Variants in KLRG1 observed in about 807,000 individuals in gnomAD.
The protein encoded by KLRG1 is killer cell lectin-like receptor subfamily G member 1.
Under a neutral mutation model 21.8 loss-of-function variants are expected in KLRG1, and 16 were observed. That is an observed-to-expected ratio of 0.73 (90% CI 0.50 to 1.11). KLRG1 has a LOEUF of 1.11. Ranked by LOEUF, KLRG1 falls within the 50% of genes most tolerant of loss-of-function variation. The pLI is 0.00. For missense variants in KLRG1, 173 were observed against 218.3 expected, an observed-to-expected ratio of 0.79 and a Z score of 1.31; for synonymous variants, 69 against 75.9, an observed-to-expected ratio of 0.91 and a Z score of 0.47.
At chr12:8,965,413 G>A (rs1191068368) in intron 1 of KLRG1, among the ~76,000 whole-genome samples, 1 of 152,208 alleles carries the variant, frequency 6.6e-6, no homozygotes, top group Non-Finnish European at 1.5e-5. Context: ...GTTTGCAGAT[G>A]ACATGATTGT....
At chr12:9,106,418 C>G in the KLRG1 span, 44 of 1,434,000 alleles carry the variant, frequency 3.1e-5, no homozygotes, top group Middle Eastern at 5.3e-4. Flanking sequence ...CTCCCCCCAA[C>G]TTACAATTCA....
At chr12:9,141,603 T>C in the KLRG1 span, among the ~76,000 whole-genome samples, 1 of 152,234 alleles carries the variant, frequency 6.6e-6, no homozygotes, top group Non-Finnish European at 1.5e-5. Context: ...CTTCCAAAAC[T>C]TGCTTAAACC....
chr12:9,116,352 C>G, the KLRG1 span: 2 of 177,306 alleles, frequency 1.1e-5, no homozygotes, highest in Admixed American at 1.1e-4. Context: ...ATGTTTGAAG[C>G]CACATCAGAA....
chr12:8,968,171 A>G (rs1316892975), intron 1 of KLRG1, among the ~76,000 whole-genome samples: 2 of 152,180 alleles, frequency 1.3e-5, no homozygotes, highest in Non-Finnish European at 2.9e-5. Context: ...CTAAATGGCC[A>G]AAATTCTCCA....
chr12:8,951,024 G>A (rs1318046357), intron 1 of KLRG1, among the ~76,000 whole-genome samples: 1 of 142,506 alleles, frequency 7.0e-6, no homozygotes, highest in African/African-American at 2.5e-5. Flanking sequence ...TGGGTTGGAT[G>A]TTGCCCCAAT....
intron 1 of KLRG1, among the ~76,000 whole-genome samples, chr12:8,982,892 C>T (rs1009913528): frequency 3.3e-5 from 5 of 151,868 alleles, no homozygotes; most frequent in African/African-American, 7.3e-5. Context: ...GTGATTTGCC[C>T]GCCTCAGCCT....
chr12:9,192,593 G>A, the KLRG1 span: 1 of 1,614,154 alleles, frequency 6.2e-7, no homozygotes, highest in South Asian at 1.1e-5. Context: ...TCTCCGTGTG[G>A]CCACAGGGCA....
the KLRG1 span, chr12:9,036,318 A>G: frequency 2.0e-5 from 3 of 152,488 alleles, no homozygotes; most frequent in African/African-American, 4.8e-5. Context: ...TTAGGAGATC[A>G]CCATATCACC....
the KLRG1 span, among the ~76,000 whole-genome samples, chr12:9,054,223 G>A: frequency 2.0e-5 from 3 of 152,178 alleles, no homozygotes; most frequent in Middle Eastern, 0.01. Context: ...TATTTATCAT[G>A]TTTATTTCAA....
the KLRG1 span, chr12:9,094,891 T>C: frequency 1.5e-6 from 1 of 688,876 alleles, no homozygotes; most frequent in Non-Finnish European, 2.2e-6. Context: ...TGTTTGTTAA[T>C]TTTTGTCACA....
the KLRG1 span, chr12:9,182,012 G>C: frequency 6.2e-7 from 1 of 1,613,746 alleles, no homozygotes. Flanking sequence ...AAATTTTTCA[G>C]AGTCTCCAAC....
At chr12:9,181,609 T>G in the KLRG1 span, among the ~76,000 whole-genome samples, 1 of 152,232 alleles carries the variant, frequency 6.6e-6, no homozygotes, top group Admixed American at 6.5e-5. Flanking sequence ...TAAGGATAGA[T>G]ACCTTGTTAG....
At chr12:9,153,372 A>T in the KLRG1 span, 5 of 1,580,306 alleles carry the variant, frequency 3.2e-6, no homozygotes, top group Non-Finnish European at 4.3e-6. Flanking sequence ...CAACCGCCCC[A>T]AAGAGTAAAT....
At chr12:9,169,164 A>AT in the KLRG1 span, among the ~76,000 whole-genome samples, 2 of 119,684 alleles carry the variant, frequency 1.7e-5, no homozygotes, top group African/African-American at 5.7e-5. Context: ...TTTATTCATT[A>AT]TTTTTTGGTT....
chr12:9,213,327 T>G, the KLRG1 span, among the ~76,000 whole-genome samples: 57 of 152,306 alleles, frequency 3.7e-4, no homozygotes, highest in Middle Eastern at 0.01. Context: ...TTTCATTTTT[T>G]GGGGGAATAT....
At chr12:9,128,387 C>A in the KLRG1 span, 2 of 155,600 alleles carry the variant, frequency 1.3e-5, no homozygotes, top group South Asian at 3.6e-4. Flanking sequence ...GTGGCGTACC[C>A]TCCGGGGTCT....
At chr12:9,149,483 T>C in the KLRG1 span, 1 of 1,394,114 alleles carries the variant, frequency 7.2e-7, no homozygotes, top group Non-Finnish European at 9.9e-7. Flanking sequence ...AAAAGCCTTG[T>C]AGAGAATTTA....
chr12:9,166,016 C>T, the KLRG1 span: 2 of 1,574,936 alleles, frequency 1.3e-6, no homozygotes, highest in Non-Finnish European at 1.7e-6. Context: ...CACATTCCCT[C>T]CCCTCCAGCA....
the KLRG1 span, chr12:9,069,603 G>A: frequency 1.8e-6 from 1 of 555,902 alleles, no homozygotes; most frequent in Non-Finnish European, 3.1e-6. Flanking sequence ...AAGGAGAGAA[G>A]AACATTCTTT....
Sources: allele counts gnomAD v4.1 joint callset (sites outside exome capture counted in the v4.1 genomes callset), GRCh38; gene constraint gnomAD v4.1.1; transcripts MANE v1.5; gene names NCBI Gene and HGNC (gene_info 2026-07-23, HGNC 2026-07-21).